HEATR5A: variants seen among roughly 807,000 people sequenced by gnomAD.
HEATR5A encodes the protein HEAT repeat containing 5A.
A neutral mutation model predicts 218.8 loss-of-function variants in HEATR5A; 178 were observed. The observed-to-expected ratio is 0.81, with a 90% CI of 0.72 to 0.92. The LOEUF is 0.92. Among genes scored for constraint, HEATR5A ranks in the 40% least tolerant of loss-of-function variants. The probability of loss-of-function intolerance (pLI) is 0.00; values close to 1 mark genes in which losing one functional copy is unlikely to be tolerated. For missense variants in HEATR5A, 2,420 were observed against 2,418.9 expected (o/e 1.00, Z -0.01); for synonymous variants, 864 against 871.6 (o/e 0.99, Z 0.15).
intron 11 of HEATR5A, 85 bp downstream of exon 11, chr14:31,380,382 C>A (rs1350595641): frequency 3.5e-6 from 3 of 845,480 alleles, no homozygotes; most frequent in South Asian, 3.4e-5. Flanking sequence ...ATTAAAAGTT[C>A]ATTTCATCAA....
intron 1 of HEATR5A, among the ~76,000 whole-genome samples, chr14:31,410,556 A>G (rs2031237788): frequency 6.6e-6 from 1 of 152,218 alleles, no homozygotes; most frequent in African/African-American, 2.4e-5. Flanking sequence ...TGGTATAAAG[A>G]AAATTAAGTC....
Position 31,294,081 on chromosome 14 carries a change from G to A in HEATR5A, c.5643C>T (p.Leu1881=). Residue 1881 remains leucine, a synonymous_variant, in exon 35 of 36, where the codon CTC becomes CTT. Transcript: ENST00000543095. The part of the protein sequence containing the change: ...DPVVQIKTYQ[L]LHSIFQYPNP... Reference sequence around the variant, plus strand: ...TTGGATACTGAAAGATGGAATGTAGGAGCTGGTAGGTCTTGATTTGTACCT... The same window carrying A: ...TTGGATACTGAAAGATGGAATGTAGAAGCTGGTAGGTCTTGATTTGTACCT... 1.3e-6 allele frequency: 2 copies of A among 1,593,390 alleles called. No homozygotes were observed. The highest frequency in any genetic ancestry group is 1.7e-6 in the Non-Finnish European group (2 of 1,168,808).
intron 4 of HEATR5A, 23 bp downstream of exon 4, chr14:31,398,650 T>G (rs1184092202): frequency 1.6e-6 from 2 of 1,266,066 alleles, no homozygotes; most frequent in Admixed American, 4.1e-5. Context: ...TTTCATTCTT[T>G]GGCTGAACTT....
intron 11 of HEATR5A, among the ~76,000 whole-genome samples, chr14:31,377,773 T>C (rs762386761): frequency 1.3e-5 from 2 of 151,974 alleles, no homozygotes; most frequent in Non-Finnish European, 2.9e-5. Context: ...AGTGAGACCC[T>C]GTCTCAAAAA....
chr14:31,317,942 CA>C (rs1644329198), intron 26 of HEATR5A, among the ~76,000 whole-genome samples: 1 of 152,066 alleles, frequency 6.6e-6, no homozygotes. Flanking sequence ...TGCTTACACC[CA>C]GTGAAATGAC....
intron 13 of HEATR5A, among the ~76,000 whole-genome samples, chr14:31,370,023 G>A (rs1901974418): frequency 6.6e-6 from 1 of 151,490 alleles, no homozygotes; most frequent in Non-Finnish European, 1.5e-5. Flanking sequence ...TCAGGAGATC[G>A]AGACCATCCT....
At chr14:31,331,221 T>A (rs763211218) in intron 22 of HEATR5A, among the ~76,000 whole-genome samples, 4 of 152,124 alleles carry the variant, frequency 2.6e-5, no homozygotes, top group African/African-American at 4.8e-5. Context: ...ACTACAGGCA[T>A]GAGCCACCGC....
intron 13 of HEATR5A, among the ~76,000 whole-genome samples, chr14:31,366,390 C>G (rs1439256529): frequency 1.3e-5 from 2 of 152,106 alleles, no homozygotes; most frequent in Non-Finnish European, 2.9e-5. Flanking sequence ...AGCTAACACA[C>G]AAAAAGTCTT....
chr14:31,317,254 C>G (rs1899940693), intron 26 of HEATR5A, among the ~76,000 whole-genome samples: 1 of 150,522 alleles, frequency 6.6e-6, no homozygotes, highest in Admixed American at 6.6e-5. Context: ...TTTATTCATG[C>G]CAGTCCTGCT....
At chr14:31,322,716 G>A (rs760503762) in intron 24 of HEATR5A, among the ~76,000 whole-genome samples, 10 of 151,844 alleles carry the variant, frequency 6.6e-5, no homozygotes, top group Non-Finnish European at 1.3e-4. Flanking sequence ...CTACTCGGGA[G>A]GCTGGGGTGG....
chr14:31,396,193 C>T (rs1222082943), intron 4 of HEATR5A, among the ~76,000 whole-genome samples: 1 of 152,052 alleles, frequency 6.6e-6, no homozygotes, highest in African/African-American at 2.4e-5. Context: ...CTTAACTCTA[C>T]AAAAAATACA....
chr14:31,356,766 T>G (rs1475404428), intron 16 of HEATR5A, among the ~76,000 whole-genome samples: 5 of 152,170 alleles, frequency 3.3e-5, no homozygotes, highest in African/African-American at 4.8e-5. Flanking sequence ...TTCCTGAAAC[T>G]GCAATTGGGC....
chr14:31,411,384 T>C (rs1435751811), intron 1 of HEATR5A, among the ~76,000 whole-genome samples: 2 of 151,958 alleles, frequency 1.3e-5, no homozygotes, highest in Non-Finnish European at 2.9e-5. Context: ...CCATGAAAAC[T>C]ACAAATGCAC....
chr14:31,324,448 C>T (rs1386101006), intron 23 of HEATR5A, among the ~76,000 whole-genome samples: 2 of 152,082 alleles, frequency 1.3e-5, no homozygotes, highest in Admixed American at 1.3e-4. Context: ...TATATTATCC[C>T]GTATGTCAAT....
chr14:31,420,513 C>G lies in HEATR5A; in HGVS notation c.-116G>C, dbSNP rs1311597367. On this transcript the variant is annotated 5_prime_UTR_variant, in exon 1 of 36. Coordinates refer to ENST00000543095, the MANE Select transcript of HEATR5A (RefSeq NM_015473.4). ...CAGCTGAGCGTGCGTCCCGGTCCAGCAACGTTACCGGCTGCTCTGCTAACC... is the reference window on the plus strand; with the variant it reads ...CAGCTGAGCGTGCGTCCCGGTCCAGGAACGTTACCGGCTGCTCTGCTAACC... The G allele has an allele frequency of 6.6e-6, 1 of 152,488 alleles. No homozygotes were observed. The highest frequency in any genetic ancestry group is 1.5e-5 in the Non-Finnish European group (1 of 68,250). The allele number at this position is 152,488 out of a possible 1,614,324, so 9.4% of individuals were successfully genotyped here.
At chr14:31,361,421 G>C (rs1045899229) in intron 14 of HEATR5A, among the ~76,000 whole-genome samples, 3 of 152,176 alleles carry the variant, frequency 2.0e-5, no homozygotes, top group African/African-American at 7.2e-5. Context: ...CTGAGCAAAT[G>C]ACAGTTGCTC....
At chr14:31,318,476 C>T (rs1566752065) in intron 25 of HEATR5A, among the ~76,000 whole-genome samples, 184 bp from the exon 26 acceptor site, 1 of 152,178 alleles carries the variant, frequency 6.6e-6, no homozygotes, top group East Asian at 1.9e-4. Flanking sequence ...CTTCGGGGAA[C>T]GATCTTCTCT....
rs1242819573 is a variant in HEATR5A, at chr14:31,304,998, T to C, written c.5146A>G (p.Thr1716Ala). ...KLTGSPGVKA[T>A]KPQILLEDGS... ...TCTTCTAATAGTATCTGTGGCTTCGTAGCTTTTACTCCTGGGCTACCTGTC... is the reference window on the plus strand; with the variant it reads ...TCTTCTAATAGTATCTGTGGCTTCGCAGCTTTTACTCCTGGGCTACCTGTC... Residue 1716 changes from threonine (T) to alanine (A), a missense_variant, in exon 32 of 36, where the codon ACG becomes GCG. Coordinates refer to ENST00000543095, the MANE Select transcript of HEATR5A (RefSeq NM_015473.4). 2.5e-6 allele frequency: 4 copies of C among 1,614,002 alleles called. No homozygotes were observed. The highest frequency in any genetic ancestry group is 3.4e-6 in the Non-Finnish European group (4 of 1,179,886).
intron 17 of HEATR5A, 79 bp from the exon 18 acceptor site, chr14:31,350,058 A>C: frequency 1.1e-6 from 1 of 930,886 alleles, no homozygotes; most frequent in South Asian, 2.6e-5. Flanking sequence ...ATTCTGGTTA[A>C]CCAAATCCAA....
Sources: gnomAD v4.1 joint callset for allele counts (sites outside exome capture counted in the v4.1 genomes callset) on GRCh38, gnomAD v4.1.1 for gene constraint, MANE v1.5 for transcripts, NCBI Gene and HGNC (gene_info 2026-07-23, HGNC 2026-07-21) for gene names.